GRIN2B: variants seen among roughly 807,000 people sequenced by gnomAD.
The protein encoded by GRIN2B is glutamate receptor ionotropic, NMDA 2B.
A neutral mutation model predicts 114.5 loss-of-function variants in GRIN2B; 5 were observed. The observed-to-expected ratio is 0.04, with a 90% CI of 0.02 to 0.09. The LOEUF is 0.09. GRIN2B is among the 10% of genes least tolerant of loss of function. The pLI, the probability that GRIN2B is intolerant of heterozygous loss-of-function variation, is 1.00. For synonymous variants in GRIN2B, 787 were observed against 745.1 expected (o/e 1.06, Z -0.92); for missense variants, 1,108 against 1,943.5 (o/e 0.57, Z 8.08).
At chr12:13,616,313 G>C in intron 6 of GRIN2B, 142 bp downstream of exon 6, 1 of 707,500 alleles carries the variant, frequency 1.4e-6, no homozygotes. Context: ...AGGGCTGCCA[G>C]TAATCCCACA....
intron 8 of GRIN2B, among the ~76,000 whole-genome samples, chr12:13,613,883 T>C (rs540002460): frequency 1.7e-3 from 253 of 152,272 alleles, no homozygotes; most frequent in African/African-American, 5.8e-3. Context: ...GACATTTCTA[T>C]GCTATTCCAG....
intron 2 of GRIN2B, among the ~76,000 whole-genome samples, chr12:13,972,790 G>A (rs1203402474): frequency 6.6e-6 from 1 of 152,196 alleles, no homozygotes; most frequent in Non-Finnish European, 1.5e-5. Flanking sequence ...ATTATCCTGT[G>A]CCACACACAG....
intron 5 of GRIN2B, among the ~76,000 whole-genome samples, chr12:13,635,340 T>C (rs1029445611): frequency 6.6e-6 from 1 of 152,170 alleles, no homozygotes; most frequent in Non-Finnish European, 1.5e-5. Flanking sequence ...GGGAAATCAA[T>C]AGATGCCTTT....
intron 4 of GRIN2B, among the ~76,000 whole-genome samples, chr12:13,721,641 C>T (rs1382761691): frequency 6.6e-6 from 1 of 151,948 alleles, no homozygotes; most frequent in African/African-American, 2.4e-5. Context: ...GTTTTAGGTG[C>T]CTCACAGACA....
At chr12:13,736,288 A>G (rs947425097) in intron 4 of GRIN2B, among the ~76,000 whole-genome samples, 4 of 152,092 alleles carry the variant, frequency 2.6e-5, no homozygotes, top group African/African-American at 7.2e-5. Context: ...GGGCAGATTA[A>G]CTATGGTGCC....
At chr12:13,736,200 T>C (rs1863181423) in intron 4 of GRIN2B, among the ~76,000 whole-genome samples, 1 of 147,274 alleles carries the variant, frequency 6.8e-6, no homozygotes. Flanking sequence ...TACCCTCAGC[T>C]CCTCTGCTCC....
chr12:13,579,603 C>G (rs1444367126), intron 10 of GRIN2B, among the ~76,000 whole-genome samples: 1 of 152,188 alleles, frequency 6.6e-6, no homozygotes, highest in Non-Finnish European at 1.5e-5. Context: ...TCTTCATCAT[C>G]GCCATTGGAA....
chr12:13,675,529 AT>A (rs1441371882), intron 5 of GRIN2B, among the ~76,000 whole-genome samples: 8 of 152,192 alleles, frequency 5.3e-5, no homozygotes, highest in Non-Finnish European at 7.3e-5. Flanking sequence ...TCAACAATAA[AT>A]GGTAATACAC....
intron 4 of GRIN2B, among the ~76,000 whole-genome samples, chr12:13,730,405 T>C (rs988427652): frequency 6.6e-6 from 1 of 152,106 alleles, no homozygotes; most frequent in African/African-American, 2.4e-5. Context: ...GTACTCTTTG[T>C]TCCAGGCCCC....
In GRIN2B at chr12:13,540,143, A is replaced by G. The variant is rs900884811; in HGVS notation, c.*22640T>C. 3.3e-5 allele frequency: 5 copies of G among 152,212 alleles called. No individual in the cohort carries two copies. The highest frequency in any genetic ancestry group is 2.6e-4 in the Admixed American group (4 of 15,282). 9.4% of individuals were successfully genotyped at this position (152,212 alleles called of 1,614,324 possible). On this transcript the variant is annotated 3_prime_UTR_variant, in exon 14 of 14. Coordinates refer to ENST00000609686, the MANE Select transcript of GRIN2B (RefSeq NM_000834.5). ...ACCAACAATTGGAAACCAACTGGGCAAGGGGTTTTTCCCAAACAGCACTTT... is the reference window on the plus strand; with the variant it reads ...ACCAACAATTGGAAACCAACTGGGCGAGGGGTTTTTCCCAAACAGCACTTT...
In GRIN2B at chr12:13,975,853, C is replaced by A. The variant is rs1024096019; in HGVS notation, c.-19+4075G>T. 6.6e-5 allele frequency among the ~76,000 whole-genome samples: 10 copies of A among 152,290 alleles called. 1 individual carries two copies. The South Asian group carries it at 2.1e-3, about 32-fold the overall frequency. On this transcript the variant is annotated intron_variant, in intron 2 of 13. Transcript: ENST00000609686. ...GTGAAGACCAGAAAGGAAGGCAATT[C>A]CACAGCCTGGGGCAGCCATGGAGAG...
At chr12:13,708,518 TAA>T (rs1228813751) in intron 4 of GRIN2B, among the ~76,000 whole-genome samples, 3 of 152,124 alleles carry the variant, frequency 2.0e-5, no homozygotes, top group Non-Finnish European at 4.4e-5. Context: ...CCCCATGAAA[TAA>T]GTCTATCCTT....
intron 2 of GRIN2B, among the ~76,000 whole-genome samples, chr12:13,956,410 T>C (rs1299610429): frequency 6.6e-6 from 1 of 152,224 alleles, no homozygotes; most frequent in Non-Finnish European, 1.5e-5. Context: ...ATTTGAGTTA[T>C]GTTCTTAAAA....
At chr12:13,737,124 C>CAATTAATAA (rs1332085426) in intron 4 of GRIN2B, among the ~76,000 whole-genome samples, 1 of 151,702 alleles carries the variant, frequency 6.6e-6, no homozygotes, top group Non-Finnish European at 1.5e-5. Context: ...CATTATGTGG[C>CAATTAATAA]AATTAATAAA....
Position 13,545,446 on chromosome 12 carries a change from C to T in GRIN2B, c.*17337G>A, listed in dbSNP as rs1035839026. The T allele has an allele frequency of 6.6e-6, 1 of 152,128 alleles. No homozygotes were observed. The highest frequency in any genetic ancestry group is 6.5e-5 in the Admixed American group (1 of 15,270). 9.4% of individuals were successfully genotyped at this position (152,128 alleles called of 1,614,324 possible). Reference sequence around the variant, plus strand: ...TAGAACAGCCTGGCATGGGTTTCCACTCAATAAATATCAACATGGATAAGT... The same window carrying T: ...TAGAACAGCCTGGCATGGGTTTCCATTCAATAAATATCAACATGGATAAGT... On this transcript the variant is annotated 3_prime_UTR_variant, in exon 14 of 14. Coordinates refer to ENST00000609686, the MANE Select transcript of GRIN2B (RefSeq NM_000834.5).
At chr12:13,650,506 C>A (rs148169862) in intron 5 of GRIN2B, among the ~76,000 whole-genome samples, 4 of 152,036 alleles carry the variant, frequency 2.6e-5, no homozygotes, top group Non-Finnish European at 5.9e-5. Flanking sequence ...TTATCTTACC[C>A]ATGAAATCTT....
intron 4 of GRIN2B, among the ~76,000 whole-genome samples, chr12:13,742,259 C>T (rs762695721): frequency 1.3e-5 from 2 of 152,156 alleles, no homozygotes; most frequent in Non-Finnish European, 2.9e-5. Flanking sequence ...TTTCTAATAT[C>T]TTCCACTCTT....
chr12:13,928,043 G>A (rs1057264213), intron 2 of GRIN2B, among the ~76,000 whole-genome samples: 3 of 151,106 alleles, frequency 2.0e-5, no homozygotes, highest in African/African-American at 7.3e-5. Context: ...CAGGCGCAGT[G>A]GCACAACCTG....
chr12:13,770,209 C>T (rs1334345155), intron 3 of GRIN2B, among the ~76,000 whole-genome samples: 2 of 152,306 alleles, frequency 1.3e-5, no homozygotes, highest in Non-Finnish European at 2.9e-5. Context: ...TTCCCCACAT[C>T]CTTAAGAATT....
Sources: allele counts gnomAD v4.1 joint callset (sites outside exome capture counted in the v4.1 genomes callset), GRCh38; gene constraint gnomAD v4.1.1; transcripts MANE v1.5; gene names NCBI Gene and HGNC (gene_info 2026-07-23, HGNC 2026-07-21).